The following DCLRE1C variants were observed in gnomAD, a reference collection of about 807,000 sequenced individuals.
DCLRE1C encodes the protein protein artemis.
Under a neutral mutation model 61.4 loss-of-function variants are expected in DCLRE1C, and 47 were observed. The observed-to-expected ratio is 0.77, with a 90% CI of 0.61 to 0.98. DCLRE1C has a LOEUF of 0.98. Ranked by LOEUF, DCLRE1C falls within the 50% of genes least tolerant of loss-of-function variation. DCLRE1C has a pLI of 0.00. For missense variants in DCLRE1C, 858 were observed against 816.0 expected (o/e 1.05, Z -0.63); for synonymous variants, 337 against 287.6 (o/e 1.17, Z -1.74).
At chr10:14,938,932 C>T (rs1248099803) in intron 4 of DCLRE1C, among the ~76,000 whole-genome samples, 1 of 152,180 alleles carries the variant, frequency 6.6e-6, no homozygotes, top group Non-Finnish European at 1.5e-5. Context: ...AAATACATCA[C>T]TGTTAAGGAC....
At chr10:14,950,156 T>G (rs941795799) in intron 1 of DCLRE1C, among the ~76,000 whole-genome samples, 2 of 151,716 alleles carry the variant, frequency 1.3e-5, no homozygotes, top group Non-Finnish European at 2.9e-5. Flanking sequence ...GCCTGACCAA[T>G]ACGGAGATAC....
intron 9 of DCLRE1C, among the ~76,000 whole-genome samples, chr10:14,930,599 A>T (rs1838826633): frequency 6.6e-6 from 1 of 151,592 alleles, no homozygotes; most frequent in South Asian, 2.1e-4. Flanking sequence ...TGCCCAGCTA[A>T]TTTTTTTATT....
chr10:14,908,406 T>C lies in DCLRE1C; in HGVS notation c.*2A>G. 1 of 1,611,904 alleles carries C rather than the reference T, an allele frequency of 6.2e-7. No homozygotes were observed. The highest frequency in any genetic ancestry group is 1.1e-5 in the South Asian group (1 of 91,022). On this transcript the variant is annotated 3_prime_UTR_variant, in exon 14 of 14. Coordinates refer to ENST00000378278, the MANE Select transcript of DCLRE1C (RefSeq NM_001033855.3). The stretch of plus-strand genomic sequence containing the variant: ...TGCTCTAGGTTGAAACGCTTTGAAT[T>C]CTTAGGTATCTAAGAGTGAGCATTT...
chr10:14,934,792 T>C lies in DCLRE1C; in HGVS notation c.465-17A>G, dbSNP rs944022871. 12 of 1,576,958 alleles carry C rather than the reference T, an allele frequency of 7.6e-6. No individual in the cohort carries two copies. The highest frequency in any genetic ancestry group is 3.3e-5 in the Admixed American group (2 of 59,952). ...TCTTTGACTCTGAAAAGAAAAAAAA[T>C]TGATGTTAGCCATCCAATGTGATAT... On this transcript the variant is annotated splice_polypyrimidine_tract_variant and intron_variant, in intron 6 of 13. Coordinates refer to ENST00000378278, the MANE Select transcript of DCLRE1C (RefSeq NM_001033855.3).
In DCLRE1C at chr10:14,932,854, C is replaced by T; in HGVS notation, c.780G>A (p.Lys260=). 1 of 1,614,076 alleles carries T rather than the reference C, an allele frequency of 6.2e-7. No individual in the cohort carries two copies. The highest frequency in any genetic ancestry group is 1.1e-5 in the South Asian group (1 of 91,076). The change falls in exon 9 of 14, where the codon AAG becomes AAA. Residue 260 remains lysine (K), a splice_region_variant and synonymous_variant. Transcript: ENST00000378278. ...NTQIHACRHP[K]AEEYFQWSKL... ...CGAGAGGAATCACTTGCACACGTAC[C>T]TTGGGATGCCGGCATGCATGGATCT...
At chr10:14,913,431 G>A (rs752016903) in intron 13 of DCLRE1C, among the ~76,000 whole-genome samples, 10 of 152,158 alleles carry the variant, frequency 6.6e-5, no homozygotes, top group Non-Finnish European at 1.5e-4. Context: ...ATTTTGTATT[G>A]TGGAGTTTAT....
chr10:14,944,046 T>G (rs1351473431), intron 3 of DCLRE1C, among the ~76,000 whole-genome samples: 1 of 152,194 alleles, frequency 6.6e-6, no homozygotes, highest in Non-Finnish European at 1.5e-5. Context: ...AAGTTACCCA[T>G]TCTATCTGTA....
chr10:14,928,006 GCT>G lies in DCLRE1C; in HGVS notation c.917+8_917+9del, dbSNP rs1330309212. 7 of 1,613,316 alleles carry G rather than the reference GCT, an allele frequency of 4.3e-6. No homozygotes were observed. Among genetic ancestry groups the G allele is most frequent in the Non-Finnish European group, 5.9e-6 (7 of 1,179,628 alleles). On this transcript the variant is annotated splice_region_variant and intron_variant, in intron 10 of 13. Coordinates refer to ENST00000378278, the MANE Select transcript of DCLRE1C (RefSeq NM_001033855.3). ...TTTCTCTCAGAAGACCTATGATATT[GCT>G]CTCTTACCTCACAATTACATTTGTT...
At chr10:14,898,269 T>C (rs7070156) in exon 14 of DCLRE1C, 1 of 145,642 alleles carries the variant, frequency 6.9e-6, no homozygotes, top group Non-Finnish European at 1.5e-5. Context: ...GTAGAGAAAT[T>C]GAGTACCTTG....
At chr10:14,917,179 C>T (rs956959161) in intron 13 of DCLRE1C, among the ~76,000 whole-genome samples, 5 of 152,110 alleles carry the variant, frequency 3.3e-5, no homozygotes, top group Admixed American at 2.6e-4. Context: ...GGTTTAAGAA[C>T]ATTTGGATAT....
Position 14,908,980 on chromosome 10 carries a change from T to C in DCLRE1C, c.1507A>G (p.Ser503Gly). The C allele has an allele frequency of 1.7e-5, 28 of 1,614,116 alleles. No homozygotes were observed. The highest frequency in any genetic ancestry group is 2.4e-5 in the Non-Finnish European group (28 of 1,179,996). ...GTGGAGGAAGGGAAGTTTTCCAAAC[T>C]CTCATCTGTGATTTCATCATTTCTT... ...FKRNDEITDE[S>G]LENFPSSTVA... Residue 503 changes from serine (S) to glycine (G), a missense_variant, in exon 14 of 14, where the codon AGT becomes GGT. Ser to Gly is a moderately conservative substitution (Grantham distance 56). Coordinates refer to ENST00000378278, the MANE Select transcript of DCLRE1C (RefSeq NM_001033855.3).
intron 11 of DCLRE1C, chr10:14,923,734 A>T (rs1588989249): frequency 6.5e-6 from 1 of 153,720 alleles, no homozygotes; most frequent in East Asian, 1.9e-4. Flanking sequence ...TGATTTGTTC[A>T]AATGGTTCAT....
chr10:14,938,262 T>C (rs1451643525), intron 4 of DCLRE1C, among the ~76,000 whole-genome samples: 3 of 152,162 alleles, frequency 2.0e-5, no homozygotes, highest in East Asian at 1.9e-4. Flanking sequence ...ATATCCCTGA[T>C]TGTGACAAGG....
chr10:14,952,523 G>C (rs935722373), intron 1 of DCLRE1C, among the ~76,000 whole-genome samples: 2 of 152,108 alleles, frequency 1.3e-5, no homozygotes, highest in African/African-American at 4.8e-5. Context: ...AGGAGGCGGA[G>C]GTTGCAGTGA....
rs1168701627 is a variant in DCLRE1C at position 14,949,060 on chromosome 10, G to A, written c.137C>T (p.Thr46Ile). The change falls in exon 2 of 14, where the codon ACC becomes ATC. Residue 46 changes from threonine (T) to isoleucine (I), a missense_variant. Physicochemically the swap from Thr to Ile is moderately conservative, Grantham distance 89 (BLOSUM62 -1). Transcript: ENST00000378278. The part of the protein sequence containing the change: ...KDHMKGLRAP[T>I]LKRRLECSLK... Reference sequence around the variant, plus strand: ...CCTGCACTCCAACCTTCTTTTCAAGGTAGGGGCTCTTAATCCTTTCATGTG... The same window carrying A: ...CCTGCACTCCAACCTTCTTTTCAAGATAGGGGCTCTTAATCCTTTCATGTG... 2.5e-6 allele frequency: 4 copies of A among 1,611,674 alleles called. No individual in the cohort carries two copies. The East Asian group carries it at 6.7e-5, about 27-fold the overall frequency.
chr10:14,940,148 C>T (rs540360346), intron 3 of DCLRE1C, among the ~76,000 whole-genome samples: 9 of 152,254 alleles, frequency 5.9e-5, no homozygotes, highest in African/African-American at 2.2e-4. Context: ...CCTCCTTCAT[C>T]TCCCCATCCC....
chr10:14,939,041 T>C (rs1232196242), intron 4 of DCLRE1C, among the ~76,000 whole-genome samples: 1 of 152,188 alleles, frequency 6.6e-6, no homozygotes, highest in African/African-American at 2.4e-5. Flanking sequence ...TTATTGGGCA[T>C]AGAAGCCTTG....
At chr10:14,909,812 TC>T (rs79851203) in intron 13 of DCLRE1C, among the ~76,000 whole-genome samples, 2 of 118,638 alleles carry the variant, frequency 1.7e-5, no homozygotes, top group African/African-American at 8.6e-5. Context: ...AGGTTTTTCT[TC>T]TGTGAGCATC....
rs1045341557 is a variant in DCLRE1C at position 14,953,572 on chromosome 10, T to G, written c.109+330A>C. Reference sequence around the variant, plus strand: ...ATGGATCTGAAACTTGTTTTCTTCATACATGGTAGCGAGGCTCTGAGGGAA... The same window carrying G: ...ATGGATCTGAAACTTGTTTTCTTCAGACATGGTAGCGAGGCTCTGAGGGAA... On this transcript the variant is annotated intron_variant, in intron 1 of 13. Transcript: ENST00000378278. Among the ~76,000 whole-genome samples, 4 of 152,056 alleles carry G rather than the reference T, an allele frequency of 2.6e-5. No homozygotes were observed. In the South Asian group the frequency reaches 8.3e-4, roughly 32 times the overall value.
Sources: allele counts gnomAD v4.1 joint callset (sites outside exome capture counted in the v4.1 genomes callset), GRCh38; gene constraint gnomAD v4.1.1; transcripts MANE v1.5; gene names NCBI Gene and HGNC (gene_info 2026-07-23, HGNC 2026-07-21).